Variants in MCUR1 observed in about 807,000 individuals in gnomAD.
The protein encoded by MCUR1 is mitochondrial calcium uniporter regulator 1.
Under a neutral mutation model 42.0 loss-of-function variants are expected in MCUR1, and 37 were observed. The observed-to-expected ratio is 0.88, with a 90% CI of 0.68 to 1.16. MCUR1 has a LOEUF of 1.16. MCUR1 is among the 50% of genes most tolerant of loss of function. The pLI, the probability that MCUR1 is intolerant of heterozygous loss-of-function variation, is 0.00. For missense variants in MCUR1, 469 were observed against 468.4 expected, an observed-to-expected ratio of 1.00 and a Z score of -0.01; for synonymous variants, 229 against 196.2, an observed-to-expected ratio of 1.17 and a Z score of -1.40.
In MCUR1 at chr6:13,789,111, G is replaced by A. The variant is rs969212688; in HGVS notation, c.*1698C>T. 4.6e-5 allele frequency: 7 copies of A among 152,156 alleles called. No homozygotes were observed. The highest frequency in any genetic ancestry group is 1.7e-4 in the African/African-American group (7 of 41,424). 9.4% of individuals were successfully genotyped at this position (152,156 alleles called of 1,614,324 possible). A position where few individuals can be genotyped will look rare whatever the true frequency, so the allele number is the denominator to read the frequency against. ...GCCCATGTGCCAGTAATTTGAATAA[G>A]ATGAGAATGGGCCAGGCGCAGCGGC... On this transcript the variant is annotated 3_prime_UTR_variant, in exon 9 of 9. Transcript: ENST00000379170.
intron 2 of MCUR1, among the ~76,000 whole-genome samples, chr6:13,803,037 A>AT (rs1227374978): frequency 1.3e-5 from 2 of 152,298 alleles, no homozygotes; most frequent in East Asian, 3.9e-4. Flanking sequence ...ACTGAATTGA[A>AT]TGATAGAGAT....
At position 13,787,604 on chromosome 6, in the gene MCUR1, ATGAG is replaced by A. The variant is rs2113445438; in HGVS notation, c.*3201_*3204del. 6.6e-6 allele frequency: 1 copy of A among 152,188 alleles called. No homozygotes were observed. The highest frequency in any genetic ancestry group is 2.1e-4 in the South Asian group (1 of 4,814). 9.4% of individuals were successfully genotyped at this position (152,188 alleles called of 1,614,324 possible). On this transcript the variant is annotated 3_prime_UTR_variant, in exon 9 of 9. Coordinates refer to ENST00000379170, the MANE Select transcript of MCUR1 (RefSeq NM_001031713.4). ...AATGCAGAGAAGCCCTCCAAGAATG[ATGAG>A]TGATTCGTGCAGGAGAGGGAAATAC...
chr6:13,807,244 T>C (rs932001648), intron 1 of MCUR1, among the ~76,000 whole-genome samples, 200 bp from the exon 2 acceptor site: 1 of 152,180 alleles, frequency 6.6e-6, no homozygotes, highest in Non-Finnish European at 1.5e-5. Context: ...ACAATCAAAT[T>C]TAGAATACTT....
intron 1 of MCUR1, among the ~76,000 whole-genome samples, chr6:13,811,064 T>C (rs1021685481): frequency 2.0e-5 from 3 of 152,248 alleles, no homozygotes; most frequent in Non-Finnish European, 2.9e-5. Context: ...CTTCATTAAA[T>C]TGCCAATTTA....
At chr6:13,797,213 A>C (rs1053371664) in intron 6 of MCUR1, among the ~76,000 whole-genome samples, 3 of 152,204 alleles carry the variant, frequency 2.0e-5, no homozygotes, top group South Asian at 2.1e-4. Context: ...GAAAACAACA[A>C]ACAGTTGTGA....
intron 7 of MCUR1, 103 bp downstream of exon 7, chr6:13,793,791 G>A: frequency 1.0e-6 from 1 of 1,000,114 alleles, no homozygotes; most frequent in Non-Finnish European, 1.5e-6. Context: ...TCCCATGACA[G>A]TAAACCTGCA....
At position 13,789,345 on chromosome 6, in the gene MCUR1, G is replaced by A. The variant is rs532427197; in HGVS notation, c.*1464C>T. ...GAACCCAGGAGGCAGAGGTTGCAGT[G>A]AGCAGAGATCACGACAATGCACTCC... is the stretch of plus-strand genomic sequence containing the variant. On this transcript the variant is annotated 3_prime_UTR_variant, in exon 9 of 9. Coordinates refer to ENST00000379170, the MANE Select transcript of MCUR1 (RefSeq NM_001031713.4). 2 of 151,726 alleles carry A rather than the reference G, an allele frequency of 1.3e-5. No homozygotes were observed. The highest frequency in any genetic ancestry group is 6.6e-5 in the Admixed American group (1 of 15,218). The allele number at this position is 151,726 out of a possible 1,614,324, so 9.4% of individuals were successfully genotyped here. A position where few individuals can be genotyped will look rare whatever the true frequency, so the allele number is the denominator to read the frequency against.
intron 6 of MCUR1, among the ~76,000 whole-genome samples, chr6:13,797,564 T>C (rs1215008059): frequency 6.6e-6 from 1 of 151,300 alleles, no homozygotes; most frequent in East Asian, 1.9e-4. Flanking sequence ...AAAAATTAGC[T>C]GGGCGTGGTG....
intron 4 of MCUR1, among the ~76,000 whole-genome samples, chr6:13,800,808 T>C (rs1415875685): frequency 2.6e-5 from 4 of 152,004 alleles, no homozygotes; most frequent in Non-Finnish European, 2.9e-5. Context: ...GGACCGAAAA[T>C]AAAAGGAAAA....
At chr6:13,800,415 G>T in intron 4 of MCUR1, 33 bp from the exon 5 acceptor site, 1 of 1,264,462 alleles carries the variant, frequency 7.9e-7, no homozygotes, top group South Asian at 1.3e-5. Flanking sequence ...TCATTAGAAA[G>T]AACAACATAA....
chr6:13,808,500 A>G (rs1365165358), intron 1 of MCUR1, among the ~76,000 whole-genome samples: 1 of 151,860 alleles, frequency 6.6e-6, no homozygotes, highest in Non-Finnish European at 1.5e-5. Flanking sequence ...ACTTTTGATG[A>G]AGTCCAATTG....
In MCUR1 at chr6:13,798,831, A is replaced by G; in HGVS notation, c.855+2T>C. ...TAATGTGTTTTTAGTAAAGGAACGT[A>G]CCAATTCTTTTACTCTGCTCTTTTC... On this transcript the variant is annotated splice_donor_variant, in intron 6 of 8. Coordinates refer to ENST00000379170, the MANE Select transcript of MCUR1 (RefSeq NM_001031713.4). LOFTEE classifies it high-confidence loss of function. 3 of 1,609,542 alleles carry G rather than the reference A, an allele frequency of 1.9e-6. No individual in the cohort carries two copies. The highest frequency in any genetic ancestry group is 2.5e-6 in the Non-Finnish European group (3 of 1,176,498).
chr6:13,798,964 G>A lies in MCUR1; in HGVS notation c.784-60C>T, dbSNP rs184501324. The stretch of plus-strand genomic sequence containing the variant: ...CCAAAGTAAGAAACCCAAACTCTAT[G>A]AGGACGTGACACTGGGACCACTGCC... On this transcript the variant is annotated intron_variant, in intron 5 of 8. Transcript: ENST00000379170. 5.1e-5 allele frequency: 53 copies of A among 1,035,044 alleles called. No homozygotes were observed. The Admixed American group carries it at 5.5e-4, about 11-fold the overall frequency. 64.1% of individuals were successfully genotyped at this position (1,035,044 alleles called of 1,614,324 possible).
At chr6:13,802,123 G>T in intron 3 of MCUR1, 120 bp downstream of exon 3, 1 of 648,688 alleles carries the variant, frequency 1.5e-6, no homozygotes, top group Non-Finnish European at 2.6e-6. Context: ...TCTTAATCAT[G>T]GTAAAAGTTA....
Position 13,787,341 on chromosome 6 carries a change from G to A in MCUR1, c.*3468C>T, listed in dbSNP as rs1309799181. On this transcript the variant is annotated 3_prime_UTR_variant, in exon 9 of 9. Transcript: ENST00000379170. ...CTGGTTTGAGTCAAGCCTTTCAACC[G>A]AGGTGCTTGGCATACTTAACGGAAA... 6.6e-6 allele frequency: 1 copy of A among 152,170 alleles called. No individual in the cohort carries two copies. Among genetic ancestry groups the A allele is most frequent in the Non-Finnish European group, 1.5e-5 (1 of 68,042 alleles). 9.4% of individuals were successfully genotyped at this position (152,170 alleles called of 1,614,324 possible).
At chr6:13,801,984 C>T (rs75825768) in intron 3 of MCUR1, among the ~76,000 whole-genome samples, 1,670 of 152,264 alleles carry the variant, frequency 0.011, 23 homozygotes, top group African/African-American at 0.028. Flanking sequence ...ATTCAGGCCA[C>T]GTCTCCATTT....
At chr6:13,791,044 T>C (rs191386636) in intron 8 of MCUR1, among the ~76,000 whole-genome samples, 180 bp from the exon 9 acceptor site, 1 of 152,278 alleles carries the variant, frequency 6.6e-6, no homozygotes. Flanking sequence ...TATTTTATTT[T>C]CTTATTTTAG....
At chr6:13,792,783 C>T (rs189549209) in intron 7 of MCUR1, among the ~76,000 whole-genome samples, 40 of 152,120 alleles carry the variant, frequency 2.6e-4, no homozygotes, top group Middle Eastern at 3.4e-3. Context: ...TGCCTGGATG[C>T]GTAAAAAAGT....
intron 3 of MCUR1, 102 bp downstream of exon 3, chr6:13,802,141 C>T: frequency 1.2e-6 from 1 of 809,038 alleles, no homozygotes; most frequent in Non-Finnish European, 2.0e-6. Context: ...TTACTATATA[C>T]TTTTCAACGG....
Sources: allele counts gnomAD v4.1 joint callset (sites outside exome capture counted in the v4.1 genomes callset), GRCh38; gene constraint gnomAD v4.1.1; transcripts MANE v1.5; gene names NCBI Gene and HGNC (gene_info 2026-07-23, HGNC 2026-07-21).